The following JAZF1 variants were observed in gnomAD, a reference collection of about 807,000 sequenced individuals.
JAZF1 encodes the protein JAZF zinc finger 1, also known as juxtaposed with another zinc finger protein 1.
JAZF1 carries 8 observed loss-of-function variants against 26.4 expected under a neutral mutation model. That is an observed-to-expected ratio of 0.30 (90% CI 0.18 to 0.55). JAZF1 has a LOEUF of 0.55. JAZF1 is among the 20% of genes least tolerant of loss of function. JAZF1 has a pLI of 0.94. For synonymous variants in JAZF1, 126 were observed against 122.3 expected, an observed-to-expected ratio of 1.03 and a Z score of -0.20; for missense variants, 199 against 322.0, an observed-to-expected ratio of 0.62 and a Z score of 2.92.
intron 1 of JAZF1, among the ~76,000 whole-genome samples, chr7:28,083,542 C>T (rs975351457): frequency 6.6e-6 from 1 of 152,042 alleles, no homozygotes; most frequent in African/African-American, 2.4e-5. Context: ...TGTAAGAGCA[C>T]GACCAACCAC....
chr7:28,157,315 T>A (rs184212322), intron 1 of JAZF1, among the ~76,000 whole-genome samples: 3 of 152,352 alleles, frequency 2.0e-5, no homozygotes, highest in African/African-American at 7.2e-5. Context: ...GCAAAGTTCC[T>A]TTGTAAAGAG....
chr7:27,975,180 G>A (rs749113887), intron 2 of JAZF1, among the ~76,000 whole-genome samples: 9 of 152,064 alleles, frequency 5.9e-5, no homozygotes, highest in East Asian at 1.9e-4. Flanking sequence ...TCACCGCGTC[G>A]GGCCAGGGAG....
intron 4 of JAZF1, among the ~76,000 whole-genome samples, chr7:27,835,736 C>T (rs910790810): frequency 1.3e-5 from 2 of 152,156 alleles, no homozygotes; most frequent in African/African-American, 4.8e-5. Context: ...GGAACGTCCT[C>T]TTTACAAGAC....
At chr7:28,047,755 C>G (rs1156291691) in intron 1 of JAZF1, among the ~76,000 whole-genome samples, 2 of 152,100 alleles carry the variant, frequency 1.3e-5, no homozygotes, top group Non-Finnish European at 2.9e-5. Context: ...GTTAACTAAG[C>G]AAATTACACT....
At chr7:27,892,876 T>C (rs911149737) in intron 3 of JAZF1, among the ~76,000 whole-genome samples, 6 of 152,242 alleles carry the variant, frequency 3.9e-5, no homozygotes, top group Non-Finnish European at 8.8e-5. Context: ...TTGAGCACTG[T>C]GTTATACATG....
chr7:28,093,188 T>A (rs1007977467), intron 1 of JAZF1, among the ~76,000 whole-genome samples: 2 of 152,226 alleles, frequency 1.3e-5, no homozygotes, highest in African/African-American at 4.8e-5. Flanking sequence ...CATACTGAAT[T>A]GTAGCTCCAT....
chr7:28,061,723 T>C (rs1229870517), intron 1 of JAZF1, among the ~76,000 whole-genome samples: 2 of 152,306 alleles, frequency 1.3e-5, no homozygotes, highest in South Asian at 4.1e-4. Context: ...TGGCCGTATT[T>C]ACAATGGTGA....
intron 2 of JAZF1, among the ~76,000 whole-genome samples, chr7:27,908,424 C>G (rs1784300782): frequency 6.6e-6 from 1 of 152,118 alleles, no homozygotes; most frequent in Non-Finnish European, 1.5e-5. Flanking sequence ...GACCTCAAGT[C>G]TCATGGGTTT....
intron 1 of JAZF1, among the ~76,000 whole-genome samples, chr7:28,056,611 A>G (rs1447726687): frequency 1.3e-5 from 2 of 152,214 alleles, no homozygotes; most frequent in Admixed American, 1.3e-4. Context: ...AAACTAGTGG[A>G]TTAAACTAAA....
In JAZF1 at chr7:28,009,702, C is replaced by T. The variant is rs900221424; in HGVS notation, c.116-17721G>A. On this transcript the variant is annotated intron_variant, in intron 1 of 4. Coordinates refer to ENST00000283928, the MANE Select transcript of JAZF1 (RefSeq NM_175061.4). ...GTTTCACCGTGTTAGCCAGGCTGGTCTCGATCTCCTGACCTCGTGATCTGC... is the reference window on the plus strand; with the variant it reads ...GTTTCACCGTGTTAGCCAGGCTGGTTTCGATCTCCTGACCTCGTGATCTGC... 4.6e-5 allele frequency among the ~76,000 whole-genome samples: 7 copies of T among 152,196 alleles called. No individual in the cohort carries two copies. The East Asian group carries it at 9.6e-4, about 21-fold the overall frequency.
Position 28,085,186 on chromosome 7 carries a change from G to A in JAZF1, c.116-93205C>T, listed in dbSNP as rs76336877. 9.8e-5 allele frequency among the ~76,000 whole-genome samples: 15 copies of A among 152,304 alleles called. No individual in the cohort carries two copies. In the East Asian group the frequency reaches 2.9e-3, roughly 29 times the overall value. On this transcript the variant is annotated intron_variant, in intron 1 of 4. Transcript: ENST00000283928. ...ATTTTCCAAGGCTTGCAAAAACTAA[G>A]CTTTGCCCTAGTATTCTTGTTGAGA...
intron 2 of JAZF1, among the ~76,000 whole-genome samples, chr7:27,911,140 C>A (rs926979575): frequency 6.6e-6 from 1 of 152,252 alleles, no homozygotes; most frequent in South Asian, 2.1e-4. Flanking sequence ...TAATCCATAG[C>A]GTTTTTAGGT....
chr7:28,147,725 A>G (rs73300638), intron 1 of JAZF1, among the ~76,000 whole-genome samples: 2 of 145,646 alleles, frequency 1.4e-5, no homozygotes, highest in Non-Finnish European at 3.0e-5. Flanking sequence ...TATACACACA[A>G]AAAAAAATTA....
At chr7:28,083,883 G>T (rs1355492285) in intron 1 of JAZF1, among the ~76,000 whole-genome samples, 1 of 151,916 alleles carries the variant, frequency 6.6e-6, no homozygotes, top group Non-Finnish European at 1.5e-5. Context: ...ACTCAAGCAG[G>T]CTGGAACATC....
chr7:27,862,746 C>T (rs1428533284), intron 3 of JAZF1, among the ~76,000 whole-genome samples: 1 of 152,212 alleles, frequency 6.6e-6, no homozygotes, highest in Non-Finnish European at 1.5e-5. Flanking sequence ...TGCTGCCTCA[C>T]CTCTATCTTT....
chr7:27,871,408 C>G (rs1361314554), intron 3 of JAZF1, among the ~76,000 whole-genome samples: 2 of 152,196 alleles, frequency 1.3e-5, no homozygotes, highest in Non-Finnish European at 2.9e-5. Context: ...AGGAGAATAC[C>G]ACTTTTCATC....
intron 2 of JAZF1, among the ~76,000 whole-genome samples, chr7:27,931,995 C>T (rs1784694995): frequency 6.6e-6 from 1 of 152,072 alleles, no homozygotes; most frequent in Admixed American, 6.5e-5. Flanking sequence ...AAGAATTCTC[C>T]CTGGTTCATC....
chr7:28,136,558 CTGAGT>C (rs1444759141), intron 1 of JAZF1, among the ~76,000 whole-genome samples: 1 of 152,248 alleles, frequency 6.6e-6, no homozygotes, highest in East Asian at 1.9e-4. Flanking sequence ...GCCTTCGGCA[CTGAGT>C]TGAATGTGTG....
intron 2 of JAZF1, among the ~76,000 whole-genome samples, chr7:27,944,854 G>A (rs916820894): frequency 2.6e-5 from 4 of 151,920 alleles, no homozygotes; most frequent in African/African-American, 4.8e-5. Context: ...GGCCTTCCAA[G>A]GGACAGAAAA....
Sources: gnomAD v4.1 joint callset for allele counts (sites outside exome capture counted in the v4.1 genomes callset) on GRCh38, gnomAD v4.1.1 for gene constraint, MANE v1.5 for transcripts, NCBI Gene and HGNC (gene_info 2026-07-23, HGNC 2026-07-21) for gene names.